The following LZTFL1 variants were observed in gnomAD, a reference collection of about 807,000 sequenced individuals.
The protein encoded by LZTFL1 is leucine zipper transcription factor like 1.
LZTFL1 carries 25 observed loss-of-function variants against 45.9 expected under a neutral mutation model. The ratio of observed to expected loss-of-function variants is 0.54; its 90% CI spans 0.40 to 0.76. The LOEUF (loss-of-function observed/expected upper bound fraction) is 0.76. Among genes scored for constraint, LZTFL1 ranks in the 30% least tolerant of loss-of-function variants. The pLI is 0.00. For synonymous variants in LZTFL1, 93 were observed against 117.4 expected (o/e 0.79, Z 1.35); for missense variants, 277 against 331.1 (o/e 0.84, Z 1.27).
At chr3:45,886,870 C>G (rs1414298495) in intron 2 of LZTFL1, among the ~76,000 whole-genome samples, 1 of 152,132 alleles carries the variant, frequency 6.6e-6, no homozygotes, top group African/African-American at 2.4e-5. Flanking sequence ...ACTCCCTCCC[C>G]CTTCACATAC....
chr3:45,900,008 T>G lies in LZTFL1; in HGVS notation c.-215+13112A>C, dbSNP rs1702495347. 6.6e-6 allele frequency among the ~76,000 whole-genome samples: 1 copy of G among 152,172 alleles called. No homozygotes were observed. The highest frequency in any genetic ancestry group is 2.1e-4 in the South Asian group (1 of 4,828). Reference sequence around the variant, plus strand: ...ATGTGAGCATGAGTGTTGGCATGTTTGTGTACGAGAGCATGTGCAAGTGCA... The same window carrying G: ...ATGTGAGCATGAGTGTTGGCATGTTGGTGTACGAGAGCATGTGCAAGTGCA... On this transcript the variant is annotated intron_variant, in intron 2 of 4. Transcript: ENST00000472635. This position sits in a 1 kb window ranked among gnomAD's most constrained non-coding sequence, Gnocchi z 4.7.
upstream of LZTFL1, among the ~76,000 whole-genome samples, chr3:45,846,418 T>G (rs1183978745): frequency 1.3e-5 from 2 of 152,162 alleles, no homozygotes; most frequent in Non-Finnish European, 2.9e-5. Context: ...GCCCAAGCAT[T>G]TACAGTTGCT....
At chr3:45,854,886 C>T in intron 4 of LZTFL1, 1 of 795,808 alleles carries the variant, frequency 1.3e-6, no homozygotes, top group Non-Finnish European at 2.0e-6. Flanking sequence ...AAGAGCTACT[C>T]TCCTTGTCCC....
upstream of LZTFL1, among the ~76,000 whole-genome samples, chr3:45,843,468 A>G (rs1701166272): frequency 6.6e-6 from 1 of 152,252 alleles, no homozygotes; most frequent in South Asian, 2.1e-4. Flanking sequence ...ATGACTGATC[A>G]GTAAACAAAG....
chr3:45,843,225 A>G (rs541062516), upstream of LZTFL1, among the ~76,000 whole-genome samples: 1 of 152,362 alleles, frequency 6.6e-6, no homozygotes, highest in Admixed American at 6.5e-5. Flanking sequence ...TTCCAAGCTC[A>G]GTTAAACTTC....
chr3:45,888,692 T>C (rs28370390), intron 2 of LZTFL1, among the ~76,000 whole-genome samples: 2 of 152,098 alleles, frequency 1.3e-5, no homozygotes, highest in Non-Finnish European at 2.9e-5. Flanking sequence ...TGTGGGATTT[T>C]CCCCCCTATA....
At chr3:45,844,473 C>T (rs189299522), upstream of LZTFL1, among the ~76,000 whole-genome samples, 7 of 152,026 alleles carry the variant, frequency 4.6e-5, no homozygotes, top group East Asian at 9.7e-4. Context: ...ATAGGTGATA[C>T]ACAGAAAATG....
chr3:45,832,418 A>C (rs1251991567), intron 5 of LZTFL1, among the ~76,000 whole-genome samples: 4 of 152,162 alleles, frequency 2.6e-5, no homozygotes. Flanking sequence ...TGCTCAAAGA[A>C]ACTGCTCATT....
chr3:45,867,384 G>C (rs55914115), intron 2 of LZTFL1, among the ~76,000 whole-genome samples: 1 of 152,040 alleles, frequency 6.6e-6, no homozygotes, highest in Non-Finnish European at 1.5e-5. Context: ...TCTTGTGCCA[G>C]AACTGTCCTT....
At chr3:45,906,972 C>T (rs74945326) in intron 2 of LZTFL1, among the ~76,000 whole-genome samples, 4,186 of 152,290 alleles carry the variant, frequency 0.027, 179 homozygotes, top group East Asian at 0.15. Flanking sequence ...GGTCAGATTC[C>T]CTGTGCGGGA....
intron 2 of LZTFL1, among the ~76,000 whole-genome samples, chr3:45,880,459 G>A (rs564796601): frequency 2.6e-5 from 4 of 151,994 alleles, no homozygotes; most frequent in Admixed American, 1.3e-4. Flanking sequence ...CCGAGATCAC[G>A]CCACTGCACT....
At chr3:45,869,475 G>A (rs1701635303) in intron 2 of LZTFL1, among the ~76,000 whole-genome samples, 1 of 152,152 alleles carries the variant, frequency 6.6e-6, no homozygotes, top group Non-Finnish European at 1.5e-5. Context: ...TGAAGTAGTG[G>A]TTGGATATTA....
intron 2 of LZTFL1, among the ~76,000 whole-genome samples, chr3:45,889,429 C>T (rs1340377557): frequency 6.6e-6 from 1 of 152,110 alleles, no homozygotes; most frequent in Non-Finnish European, 1.5e-5. Context: ...GCTACAAGTT[C>T]CTCCTCTAGA....
In LZTFL1 at chr3:45,824,297, T is replaced by C. The variant is rs1700609538; in HGVS notation, c.*2017A>G. ...TTTCTCAGTTAAATTAGATAAGTCTTAAAGTTGGGAAACTACTAAAAACAA... is the reference window on the plus strand; with the variant it reads ...TTTCTCAGTTAAATTAGATAAGTCTCAAAGTTGGGAAACTACTAAAAACAA... On this transcript the variant is annotated 3_prime_UTR_variant, in exon 10 of 10. Transcript: ENST00000296135. 1 of 152,122 alleles carries C rather than the reference T, an allele frequency of 6.6e-6. No homozygotes were observed. The highest frequency in any genetic ancestry group is 2.4e-5 in the African/African-American group (1 of 41,436). The allele number at this position is 152,122 out of a possible 1,614,324, so 9.4% of individuals were successfully genotyped here.
At chr3:45,846,248 T>C (rs958519420), upstream of LZTFL1, among the ~76,000 whole-genome samples, 3 of 152,220 alleles carry the variant, frequency 2.0e-5, no homozygotes, top group Non-Finnish European at 4.4e-5. Context: ...TATATAACTT[T>C]TAGGAGTTTT....
exon 1 of LZTFL1, chr3:45,915,507 G>T (rs137975488): frequency 6.6e-6 from 3 of 456,262 alleles, no homozygotes; most frequent in African/African-American, 2.0e-5. Flanking sequence ...AGCAGAAAGC[G>T]GGGGAGACCT....
In LZTFL1 at chr3:45,913,137, G is replaced by C. The variant is rs1265272469; in HGVS notation, c.-232C>G. 35 of 1,535,864 alleles carry C rather than the reference G, an allele frequency of 2.3e-5. No homozygotes were observed. Among genetic ancestry groups the C allele is most frequent in the Non-Finnish European group, 2.9e-5 (33 of 1,146,836 alleles). On this transcript the variant is annotated 5_prime_UTR_variant, in exon 2 of 5. Coordinates refer to the LZTFL1 transcript ENST00000472635. The stretch of plus-strand genomic sequence containing the variant: ...AGACTTACCATCTTCCCTGGGTCTT[G>C]GTTCCTCATCTGTAAAAGTGGGCTG...
In LZTFL1 at chr3:45,853,666, A is replaced by C. The variant is rs139992283; in HGVS notation, c.-49+1320T>G. 9.3e-3 allele frequency among the ~76,000 whole-genome samples: 1,408 copies of C among 152,212 alleles called. 28 individuals carry two copies. Among genetic ancestry groups the C allele is most frequent in the African/African-American group, 0.032 (1,324 of 41,534 alleles). On this transcript the variant is annotated intron_variant, in intron 4 of 4. Coordinates refer to the LZTFL1 transcript ENST00000472635. ...GACCAAGCTCCATCAATTATCCCTT[A>C]AGATTTTTCTTTTTGGCTCTATATC...
intron 2 of LZTFL1, 144 bp downstream of exon 2, chr3:45,837,783 T>G: frequency 1.1e-5 from 8 of 729,200 alleles, no homozygotes; most frequent in Non-Finnish European, 1.7e-5. Context: ...CCTGTATCCA[T>G]GAGGCTTAGT....
Sources: gnomAD v4.1 joint callset for allele counts (sites outside exome capture counted in the v4.1 genomes callset) on GRCh38, gnomAD v4.1.1 for gene constraint, Gnocchi (gnomAD v3.1) non-coding constraint, MANE v1.5 for transcripts, NCBI Gene and HGNC (gene_info 2026-07-23, HGNC 2026-07-21) for gene names.